The following PAQR8 variants were observed in gnomAD, a reference collection of about 807,000 sequenced individuals.
PAQR8 encodes membrane progestin receptor beta.
A neutral mutation model predicts 25.2 loss-of-function variants in PAQR8; 17 were observed. The ratio of observed to expected loss-of-function variants is 0.67; its 90% CI spans 0.46 to 1.01. The LOEUF (loss-of-function observed/expected upper bound fraction) is 1.01. PAQR8 is among the 50% of genes least tolerant of loss of function. PAQR8 has a pLI of 0.00. For missense variants in PAQR8, 392 were observed against 448.4 expected, an observed-to-expected ratio of 0.87 and a Z score of 1.14; for synonymous variants, 204 against 190.6, an observed-to-expected ratio of 1.07 and a Z score of -0.58.
chr6:52,374,515 G>A (rs1763459437), intron 1 of PAQR8, among the ~76,000 whole-genome samples: 2 of 152,150 alleles, frequency 1.3e-5, no homozygotes, highest in Admixed American at 1.3e-4. Flanking sequence ...CTGGGCTCAA[G>A]TGATCCTCTT....
intron 1 of PAQR8, among the ~76,000 whole-genome samples, chr6:52,369,807 T>C (rs1354241451): frequency 6.6e-6 from 1 of 152,228 alleles, no homozygotes. Context: ...ATCTTAGCTT[T>C]TTTATTCCTG....
chr6:52,403,838 A>G lies in PAQR8; in HGVS notation c.625A>G (p.Arg209Gly). 1 of 1,614,192 alleles carries G rather than the reference A, an allele frequency of 6.2e-7. No individual in the cohort carries two copies. Among genetic ancestry groups the G allele is most frequent in the East Asian group, 2.2e-5 (1 of 44,890 alleles). ...YRYRRPYPVM[R>G]KICQVVPAGL... The stretch of plus-strand genomic sequence containing the variant: ...TTACCGGAGGCCTTATCCAGTCATG[A>G]GGAAGATCTGTCAAGTGGTGCCAGC... The change falls in exon 2 of 2, where the codon AGG becomes GGG. Residue 209 changes from arginine to glycine, a missense_variant. Physicochemically the swap from Arg to Gly is moderately radical, Grantham distance 125. Transcript: ENST00000442253.
At chr6:52,390,453 A>C (rs1283147466) in intron 1 of PAQR8, among the ~76,000 whole-genome samples, 1 of 152,184 alleles carries the variant, frequency 6.6e-6, no homozygotes, top group Non-Finnish European at 1.5e-5. Flanking sequence ...CACAGAGGAA[A>C]AGATTCATAA....
At chr6:52,371,849 G>A (rs1763423015) in intron 1 of PAQR8, among the ~76,000 whole-genome samples, 1 of 152,182 alleles carries the variant, frequency 6.6e-6, no homozygotes. Context: ...GCTAGTGCAA[G>A]GGCTCTTAAA....
chr6:52,406,472 T>C lies in PAQR8; in HGVS notation c.*2194T>C. ...CAATCTGAACATTGTTAATGGCCTGTGACATGATGAGCACAGGAACAGGCA... is the reference window on the plus strand; with the variant it reads ...CAATCTGAACATTGTTAATGGCCTGCGACATGATGAGCACAGGAACAGGCA... On this transcript the variant is annotated 3_prime_UTR_variant, in exon 2 of 2. Coordinates refer to ENST00000442253, the MANE Select transcript of PAQR8 (RefSeq NM_133367.5). 2.4e-6 allele frequency: 1 copy of C among 413,504 alleles called. No homozygotes were observed. 25.6% of individuals were successfully genotyped at this position (413,504 alleles called of 1,614,324 possible). A position where few individuals can be genotyped will look rare whatever the true frequency, so the allele number is the denominator to read the frequency against.
chr6:52,391,143 A>G (rs1399175745), intron 1 of PAQR8, among the ~76,000 whole-genome samples: 1 of 152,204 alleles, frequency 6.6e-6, no homozygotes, highest in Non-Finnish European at 1.5e-5. Context: ...GGCGGAACAC[A>G]TACTTTAAAT....
At chr6:52,397,179 A>G (rs1338935300) in intron 1 of PAQR8, among the ~76,000 whole-genome samples, 1 of 152,124 alleles carries the variant, frequency 6.6e-6, no homozygotes, top group Non-Finnish European at 1.5e-5. Flanking sequence ...TTCACGGGAG[A>G]GAAATGACTC....
intron 1 of PAQR8, among the ~76,000 whole-genome samples, chr6:52,383,862 A>G (rs1763597533): frequency 6.6e-6 from 1 of 152,170 alleles, no homozygotes; most frequent in Admixed American, 6.5e-5. Flanking sequence ...CAAAGAGGAA[A>G]GGCCCACTGG....
intron 1 of PAQR8, among the ~76,000 whole-genome samples, chr6:52,393,269 ACTGT>A (rs1433167444): frequency 6.6e-6 from 1 of 151,784 alleles, no homozygotes; most frequent in Non-Finnish European, 1.5e-5. Flanking sequence ...CACCCAAAAC[ACTGT>A]CTGGTATGTG....
intron 1 of PAQR8, among the ~76,000 whole-genome samples, chr6:52,369,810 T>A (rs1413509188): frequency 2.0e-5 from 3 of 152,236 alleles, no homozygotes; most frequent in African/African-American, 7.2e-5. Context: ...TTAGCTTTTT[T>A]ATTCCTGCAC....
chr6:52,379,793 A>AT (rs1298680503), intron 1 of PAQR8, among the ~76,000 whole-genome samples: 1 of 151,842 alleles, frequency 6.6e-6, no homozygotes, highest in Non-Finnish European at 1.5e-5. Context: ...CGCCCGGCTA[A>AT]TTTTTTTGTA....
chr6:52,364,553 A>G (rs1418617773), intron 1 of PAQR8, among the ~76,000 whole-genome samples: 2 of 152,200 alleles, frequency 1.3e-5, no homozygotes, highest in African/African-American at 4.8e-5. Flanking sequence ...AATTCTAGTG[A>G]TGCTGTCACT....
intron 1 of PAQR8, among the ~76,000 whole-genome samples, chr6:52,397,180 G>T (rs1763776607): frequency 6.6e-6 from 1 of 152,084 alleles, no homozygotes; most frequent in African/African-American, 2.4e-5. Flanking sequence ...TCACGGGAGA[G>T]AAATGACTCT....
Position 52,404,351 on chromosome 6 carries a change from C to T in PAQR8, c.*73C>T. 7.5e-7 allele frequency: 1 copy of T among 1,340,608 alleles called. No homozygotes were observed. Among genetic ancestry groups the T allele is most frequent in the Non-Finnish European group, 1.0e-6 (1 of 995,450 alleles). The allele number at this position is 1,340,608 out of a possible 1,614,324, so 83.0% of individuals were successfully genotyped here. A position where few individuals can be genotyped will look rare whatever the true frequency, so the allele number is the denominator to read the frequency against. ...GAAAACTTGATACAATAGAAGCTGACTTTTAAGGCATTGGCTTTTAAATTA... is the reference window on the plus strand; with the variant it reads ...GAAAACTTGATACAATAGAAGCTGATTTTTAAGGCATTGGCTTTTAAATTA... On this transcript the variant is annotated 3_prime_UTR_variant, in exon 2 of 2. Transcript: ENST00000442253.
At chr6:52,379,619 C>CTTTTTTTTTTTTTTTTTTTTTTTT (rs909812638) in intron 1 of PAQR8, among the ~76,000 whole-genome samples, 10 of 77,236 alleles carry the variant, frequency 1.3e-4, no homozygotes, top group Non-Finnish European at 2.5e-4. Flanking sequence ...ACCCAGCTTT[C>CTTTTTTTTTTTTTTTTTTTTTTTT]TTTTTTTTTT....
At chr6:52,400,320 T>C (rs1763815262) in intron 1 of PAQR8, among the ~76,000 whole-genome samples, 1 of 152,226 alleles carries the variant, frequency 6.6e-6, no homozygotes, top group African/African-American at 2.4e-5. Flanking sequence ...ATATCAGTGA[T>C]GGTCATAATA....
intron 1 of PAQR8, among the ~76,000 whole-genome samples, chr6:52,398,197 CTTTTTT>C (rs1763788790): frequency 1.5e-5 from 2 of 133,706 alleles, no homozygotes; most frequent in East Asian, 5.2e-4. Context: ...TTTTTCTTTT[CTTTTTT>C]CTTTTTTTTT....
intron 1 of PAQR8, among the ~76,000 whole-genome samples, chr6:52,367,965 A>G (rs1367540574): frequency 1.3e-5 from 2 of 152,106 alleles, no homozygotes; most frequent in Non-Finnish European, 2.9e-5. Flanking sequence ...ATGGTGATTC[A>G]TGCCTGTAAT....
intron 1 of PAQR8, among the ~76,000 whole-genome samples, chr6:52,385,037 G>A (rs747780632): frequency 2.6e-5 from 4 of 152,188 alleles, no homozygotes; most frequent in Admixed American, 6.5e-5. Context: ...AGACTTAAAT[G>A]TATGATATGG....
Sources: allele counts gnomAD v4.1 joint callset (sites outside exome capture counted in the v4.1 genomes callset), GRCh38; gene constraint gnomAD v4.1.1; transcripts MANE v1.5; gene names NCBI Gene and HGNC (gene_info 2026-07-23, HGNC 2026-07-21).